The following PPP3CA variants were observed in gnomAD, a reference collection of about 807,000 sequenced individuals.
PPP3CA encodes CAM-PRP catalytic subunit.
A neutral mutation model predicts 66.5 loss-of-function variants in PPP3CA; 14 were observed. The ratio of observed to expected loss-of-function variants is 0.21; its 90% confidence interval spans 0.14 to 0.33. The LOEUF is 0.33. Among genes scored for constraint, PPP3CA ranks in the 10% least tolerant of loss-of-function variants. PPP3CA has a pLI of 1.00. For synonymous variants in PPP3CA, 232 were observed against 226.2 expected (o/e 1.03, Z -0.23); for missense variants, 317 against 639.5 (o/e 0.50, Z 5.44).
rs779177754 is a variant in PPP3CA at position 101,023,900 on chromosome 4, G to A, written c.*1965C>T. Reference sequence around the variant, plus strand: ...GTGATGATTAGATAGTAGCTGAAGCGTGGGTATACAAATTTCTTGTTAATA... The same window carrying A: ...GTGATGATTAGATAGTAGCTGAAGCATGGGTATACAAATTTCTTGTTAATA... On this transcript the variant is annotated 3_prime_UTR_variant, in exon 14 of 14. Transcript: ENST00000394854. The A allele has an allele frequency of 1.3e-5, 2 of 152,614 alleles. No individual in the cohort carries two copies. Among genetic ancestry groups the A allele is most frequent in the Non-Finnish European group, 2.9e-5 (2 of 68,034 alleles). The allele number at this position is 152,614 out of a possible 1,614,324, so 9.5% of individuals were successfully genotyped here. A position where few individuals can be genotyped will look rare whatever the true frequency, so the allele number is the denominator to read the frequency against.
intron 1 of PPP3CA, among the ~76,000 whole-genome samples, chr4:101,211,484 C>T (rs1725297052): frequency 6.6e-6 from 1 of 152,200 alleles, no homozygotes; most frequent in Non-Finnish European, 1.5e-5. Flanking sequence ...CCTTGAATAT[C>T]TTATCTGGCT....
chr4:101,103,376 T>C (rs929390999), intron 3 of PPP3CA, among the ~76,000 whole-genome samples: 1 of 152,192 alleles, frequency 6.6e-6, no homozygotes, highest in Non-Finnish European at 1.5e-5. Context: ...TCCAAACTCC[T>C]GAAATATCAA....
At chr4:101,236,215 A>G (rs1000083003) in intron 1 of PPP3CA, among the ~76,000 whole-genome samples, 2 of 151,994 alleles carry the variant, frequency 1.3e-5, no homozygotes, top group African/African-American at 4.8e-5. Context: ...AACTTTAAAT[A>G]GTACGATAAT....
At chr4:101,026,229 C>G (rs1726644189) in intron 13 of PPP3CA, among the ~76,000 whole-genome samples, 168 bp from the exon 14 acceptor site, 1 of 152,162 alleles carries the variant, frequency 6.6e-6, no homozygotes, top group African/African-American at 2.4e-5. Context: ...TTACCATACT[C>G]GGAAGTAACC....
At chr4:101,103,063 A>G (rs1355284560) in intron 3 of PPP3CA, among the ~76,000 whole-genome samples, 1 of 152,172 alleles carries the variant, frequency 6.6e-6, no homozygotes, top group East Asian at 1.9e-4. Context: ...ATTTTCTCCT[A>G]TCTTCCCCAA....
chr4:101,027,904 T>C (rs1726735751), intron 13 of PPP3CA, among the ~76,000 whole-genome samples: 1 of 152,106 alleles, frequency 6.6e-6, no homozygotes, highest in Admixed American at 6.5e-5. Context: ...TATTAGCAAT[T>C]TACATTGGTA....
intron 1 of PPP3CA, among the ~76,000 whole-genome samples, chr4:101,320,229 A>C (rs1030068409): frequency 2.6e-5 from 4 of 151,764 alleles, no homozygotes; most frequent in African/African-American, 9.7e-5. Flanking sequence ...GCCTATTCAA[A>C]ACTGTGATTT....
intron 8 of PPP3CA, among the ~76,000 whole-genome samples, chr4:101,069,946 T>C (rs1207810643): frequency 1.3e-5 from 2 of 152,118 alleles, no homozygotes; most frequent in South Asian, 2.1e-4. Context: ...TGAGCAACAG[T>C]AGGCTATTAG....
At chr4:101,078,934 T>C (rs1411295231) in intron 8 of PPP3CA, among the ~76,000 whole-genome samples, 1 of 152,192 alleles carries the variant, frequency 6.6e-6, no homozygotes, top group Non-Finnish European at 1.5e-5. Context: ...CAGCACTTCT[T>C]TTCTAGGAAC....
chr4:101,239,466 G>A (rs985402145), intron 1 of PPP3CA, among the ~76,000 whole-genome samples: 1 of 151,960 alleles, frequency 6.6e-6, no homozygotes, highest in Non-Finnish European at 1.5e-5. Flanking sequence ...AATTCCAGAA[G>A]AAAACAATTC....
At chr4:101,148,070 A>G (rs996970859) in intron 2 of PPP3CA, among the ~76,000 whole-genome samples, 8 of 152,172 alleles carry the variant, frequency 5.3e-5, no homozygotes, top group Non-Finnish European at 1.2e-4. Flanking sequence ...AAAATATAAG[A>G]TAACAGTTTT....
chr4:101,337,586 C>T (rs1729670068), intron 1 of PPP3CA, among the ~76,000 whole-genome samples: 1 of 152,170 alleles, frequency 6.6e-6, no homozygotes, highest in African/African-American at 2.4e-5. Flanking sequence ...ATGTAGGAAA[C>T]TATAGTTTCC....
At chr4:101,029,817 C>T (rs1024609752) in intron 12 of PPP3CA, among the ~76,000 whole-genome samples, 1 of 148,696 alleles carries the variant, frequency 6.7e-6, no homozygotes, top group South Asian at 2.2e-4. Flanking sequence ...ATCTGGGGGT[C>T]GGTGGGTAGG....
At chr4:101,145,118 G>A (rs769531765) in intron 2 of PPP3CA, among the ~76,000 whole-genome samples, 1 of 151,884 alleles carries the variant, frequency 6.6e-6, no homozygotes, top group Non-Finnish European at 1.5e-5. Flanking sequence ...ACACATTTTG[G>A]AAAACACTGC....
rs146935487 is a variant in PPP3CA, at chr4:101,319,881, T to C, written c.58+26858A>G. On this transcript the variant is annotated intron_variant, in intron 1 of 13. Transcript: ENST00000394854. ...ACAATTGGCTTTGTGGTATCATATA[T>C]TATTAAGCAGACTACGTCATGTACA... Among the ~76,000 whole-genome samples the C allele has an allele frequency of 2.0e-5, 3 of 152,282 alleles. No homozygotes were observed. In the East Asian group the frequency reaches 5.8e-4, roughly 29 times the overall value.
intron 1 of PPP3CA, among the ~76,000 whole-genome samples, chr4:101,261,007 G>C (rs1389959067): frequency 6.6e-6 from 1 of 152,036 alleles, no homozygotes; most frequent in Non-Finnish European, 1.5e-5. Context: ...AATGGCAAAA[G>C]AACAAATGAT....
Position 101,197,316 on chromosome 4 carries a change from T to C in PPP3CA, c.59-1200A>G, listed in dbSNP as rs540132864. Reference sequence around the variant, plus strand: ...CATAGATTTGTAATCCCGAGTTAAATTATAACTAACAGAAAAGAAAAACTG... The same window carrying C: ...CATAGATTTGTAATCCCGAGTTAAACTATAACTAACAGAAAAGAAAAACTG... On this transcript the variant is annotated intron_variant, in intron 1 of 13. Transcript: ENST00000394854. 2.3e-3 allele frequency among the ~76,000 whole-genome samples: 346 copies of C among 152,316 alleles called. 1 individual carries two copies. Among genetic ancestry groups the C allele is most frequent in the Non-Finnish European group, 4.0e-3 (273 of 68,016 alleles).
At chr4:101,121,221 C>T (rs1393202042) in intron 2 of PPP3CA, among the ~76,000 whole-genome samples, 2 of 151,558 alleles carry the variant, frequency 1.3e-5, no homozygotes, top group Non-Finnish European at 3.0e-5. Context: ...TGACAAAATG[C>T]AGAAAATTGA....
At chr4:101,162,733 T>C (rs551857482) in intron 2 of PPP3CA, among the ~76,000 whole-genome samples, 12 of 152,228 alleles carry the variant, frequency 7.9e-5, no homozygotes, top group African/African-American at 2.6e-4. Flanking sequence ...ACATACAGTT[T>C]AAAGTATCTT....
Sources: allele counts gnomAD v4.1 joint callset (sites outside exome capture counted in the v4.1 genomes callset), GRCh38; gene constraint gnomAD v4.1.1; transcripts MANE v1.5; gene names NCBI Gene and HGNC (gene_info 2026-07-23, HGNC 2026-07-21).